The following CSMD1 variants were observed in gnomAD, a reference collection of about 807,000 sequenced individuals.
CSMD1 encodes CUB and sushi domain-containing protein 1.
CSMD1 carries 213 observed loss-of-function variants against 417.5 expected under a neutral mutation model. The observed-to-expected ratio is 0.51, with a 90% CI of 0.46 to 0.57. The LOEUF (loss-of-function observed/expected upper bound fraction) is 0.57. Among genes scored for constraint, CSMD1 ranks in the 20% least tolerant of loss-of-function variants. The probability of loss-of-function intolerance (pLI) is 0.00; values close to 1 mark genes in which losing one functional copy is unlikely to be tolerated. For synonymous variants in CSMD1, 2,862 were observed against 1,736.8 expected, an observed-to-expected ratio of 1.65 and a Z score of -16.11; for missense variants, 6,923 against 4,529.7, an observed-to-expected ratio of 1.53 and a Z score of -15.17.
At chr8:3,209,518 A>G (rs1797483676) in intron 30 of CSMD1, among the ~76,000 whole-genome samples, 1 of 151,958 alleles carries the variant, frequency 6.6e-6, no homozygotes, top group Non-Finnish European at 1.5e-5. Flanking sequence ...ACGGGGTTTC[A>G]CCATGTTAGC....
At chr8:3,575,571 G>T (rs909985873) in intron 9 of CSMD1, among the ~76,000 whole-genome samples, 1 of 152,126 alleles carries the variant, frequency 6.6e-6, no homozygotes, top group Non-Finnish European at 1.5e-5. Context: ...TTTAAAAAAG[G>T]GTTTTGGAGC....
At chr8:3,774,452 G>C (rs765705481) in intron 5 of CSMD1, among the ~76,000 whole-genome samples, 1 of 152,118 alleles carries the variant, frequency 6.6e-6, no homozygotes, top group Non-Finnish European at 1.5e-5. Flanking sequence ...GCTGCCTAAT[G>C]TGTGCTTTGT....
chr8:3,220,278 T>C (rs1253111761), intron 28 of CSMD1, among the ~76,000 whole-genome samples: 1 of 150,072 alleles, frequency 6.7e-6, no homozygotes, highest in Non-Finnish European at 1.5e-5. Context: ...TTTTTCTCTG[T>C]CCCTCTCTTT....
intron 5 of CSMD1, among the ~76,000 whole-genome samples, chr8:3,918,373 T>C (rs1454765733): frequency 1.3e-5 from 2 of 152,120 alleles, no homozygotes; most frequent in Admixed American, 1.3e-4. Flanking sequence ...TATATTTTTA[T>C]ATAATGGCCA....
chr8:4,774,913 C>A (rs190500474), intron 1 of CSMD1, among the ~76,000 whole-genome samples: 2 of 152,296 alleles, frequency 1.3e-5, no homozygotes. Context: ...AGCCAGGCAG[C>A]TTCCAGCATG....
intron 7 of CSMD1, among the ~76,000 whole-genome samples, chr8:3,629,878 C>G (rs1387736722): frequency 6.6e-6 from 1 of 152,174 alleles, no homozygotes; most frequent in African/African-American, 2.4e-5. Flanking sequence ...TACAGGAAAT[C>G]GTGCCTTTTC....
chr8:3,351,711 G>C (rs1190415622), intron 21 of CSMD1, among the ~76,000 whole-genome samples: 3 of 147,694 alleles, frequency 2.0e-5, no homozygotes, highest in South Asian at 2.1e-4. Flanking sequence ...ATTGTATATA[G>C]AAACAAAAAT....
intron 5 of CSMD1, among the ~76,000 whole-genome samples, chr8:3,860,131 T>C (rs1026392244): frequency 2.0e-5 from 3 of 152,160 alleles, no homozygotes; most frequent in African/African-American, 7.2e-5. Context: ...CTTTGAAGCT[T>C]AGAATCTAAT....
chr8:4,281,953 C>A (rs1796807455), intron 3 of CSMD1, among the ~76,000 whole-genome samples: 1 of 152,162 alleles, frequency 6.6e-6, no homozygotes, highest in African/African-American at 2.4e-5. Flanking sequence ...CCTGTTAGGG[C>A]TTGATCAGGT....
At chr8:4,539,998 C>T (rs1480344766) in intron 2 of CSMD1, among the ~76,000 whole-genome samples, 1 of 152,180 alleles carries the variant, frequency 6.6e-6, no homozygotes, top group Non-Finnish European at 1.5e-5. Flanking sequence ...TATTGAGCCG[C>T]TCACCGGGGC....
intron 10 of CSMD1, among the ~76,000 whole-genome samples, chr8:3,538,509 T>C (rs1369011761): frequency 6.6e-6 from 1 of 152,178 alleles, no homozygotes; most frequent in Non-Finnish European, 1.5e-5. Context: ...ATGCCTCACC[T>C]GAGATGCCCC....
At chr8:3,828,020 T>C (rs1289188482) in intron 5 of CSMD1, among the ~76,000 whole-genome samples, 1 of 152,182 alleles carries the variant, frequency 6.6e-6, no homozygotes, top group African/African-American at 2.4e-5. Context: ...GACTTTACAA[T>C]TATATGGATT....
chr8:4,094,087 G>C (rs1364479384), intron 3 of CSMD1, among the ~76,000 whole-genome samples: 2 of 152,140 alleles, frequency 1.3e-5, no homozygotes, highest in African/African-American at 2.4e-5. Flanking sequence ...GTGACGCTGT[G>C]TGGATGGAGG....
At chr8:4,933,589 A>G (rs1407583838) in intron 1 of CSMD1, among the ~76,000 whole-genome samples, 1 of 152,178 alleles carries the variant, frequency 6.6e-6, no homozygotes, top group Non-Finnish European at 1.5e-5. Flanking sequence ...GTTTTGCAAC[A>G]AGCCTCTCCG....
intron 3 of CSMD1, among the ~76,000 whole-genome samples, chr8:4,086,638 C>T (rs969467543): frequency 1.3e-5 from 2 of 152,180 alleles, no homozygotes; most frequent in Non-Finnish European, 2.9e-5. Flanking sequence ...TTTCTTAATG[C>T]ACCAAGCGAT....
At chr8:4,582,112 G>T (rs1393181184) in intron 2 of CSMD1, among the ~76,000 whole-genome samples, 1 of 151,692 alleles carries the variant, frequency 6.6e-6, no homozygotes. Flanking sequence ...TATCTGAACT[G>T]ATGAGCTTTG....
At chr8:4,589,256 A>G (rs1435877177) in intron 2 of CSMD1, among the ~76,000 whole-genome samples, 1 of 152,174 alleles carries the variant, frequency 6.6e-6, no homozygotes, top group Non-Finnish European at 1.5e-5. Context: ...TCTAATTTTT[A>G]TTTCTAAATT....
chr8:3,191,366 T>G (rs919626682), intron 33 of CSMD1, among the ~76,000 whole-genome samples: 2 of 152,132 alleles, frequency 1.3e-5, no homozygotes, highest in Non-Finnish European at 2.9e-5. Context: ...TGAGGCAGGA[T>G]AATCGCTTCA....
At chr8:4,307,628 C>G (rs1333162376) in intron 3 of CSMD1, among the ~76,000 whole-genome samples, 2 of 152,238 alleles carry the variant, frequency 1.3e-5, no homozygotes, top group Admixed American at 1.3e-4. Flanking sequence ...GCAAGCTTAT[C>G]GAATTTTGCA....
Sources: gnomAD v4.1 joint callset for allele counts (sites outside exome capture counted in the v4.1 genomes callset) on GRCh38, gnomAD v4.1.1 for gene constraint, MANE v1.5 for transcripts, NCBI Gene and HGNC (gene_info 2026-07-23, HGNC 2026-07-21) for gene names.